Variants in FILIP1 observed in about 807,000 individuals in gnomAD.
FILIP1 encodes the protein filamin-A-interacting protein 1.
In FILIP1, 61 loss-of-function variants were observed where a neutral mutation model predicts 102.1. That is an observed-to-expected ratio of 0.60 (90% CI 0.49 to 0.74). The LOEUF is 0.74. FILIP1 is among the 30% of genes least tolerant of loss of function. The probability of loss-of-function intolerance (pLI) is 0.00; values close to 1 mark genes in which losing one functional copy is unlikely to be tolerated. For missense variants in FILIP1, 1,314 were observed against 1,441.2 expected (o/e 0.91, Z 1.43); for synonymous variants, 491 against 526.9 (o/e 0.93, Z 0.93).
intron 2 of FILIP1, among the ~76,000 whole-genome samples, chr6:75,368,403 A>G (rs186306460): frequency 1.8e-4 from 28 of 152,312 alleles, no homozygotes; most frequent in African/African-American, 6.5e-4. Context: ...CACTCCTTCA[A>G]TAAATATTTG....
intron 1 of FILIP1, among the ~76,000 whole-genome samples, chr6:75,446,077 T>A (rs539805678): frequency 2.0e-5 from 3 of 152,178 alleles, no homozygotes; most frequent in Non-Finnish European, 4.4e-5. Context: ...AGATCTTGAC[T>A]TATAATCACC....
chr6:75,314,175 TCTTA>T lies in FILIP1; in HGVS notation c.1653_1656del (p.Ser551ArgfsTer4). Reference sequence around the variant, plus strand: ...ATTTCAGATTTTAGTTTTAAAAGTTTCTTACTTTCTTCAATTAGTTTTTCAGTTA... The same window carrying T: ...ATTTCAGATTTTAGTTTTAAAAGTTTCTTTCTTCAATTAGTTTTTCAGTTA... On this transcript the variant is annotated frameshift_variant, in exon 5 of 6. Coordinates refer to ENST00000237172, the MANE Select transcript of FILIP1 (RefSeq NM_015687.5). LOFTEE classifies it high-confidence loss of function. 6.5e-7 allele frequency: 1 copy of T among 1,548,172 alleles called. No individual in the cohort carries two copies. Among genetic ancestry groups the T allele is most frequent in the Non-Finnish European group, 8.6e-7 (1 of 1,159,186 alleles).
chr6:75,375,154 CG>C (rs1775711178), intron 2 of FILIP1, among the ~76,000 whole-genome samples: 1 of 152,246 alleles, frequency 6.6e-6, no homozygotes, highest in South Asian at 2.1e-4. Context: ...CCACCCCCAT[CG>C]GCCCTTGCCT....
At chr6:75,377,178 A>G (rs373191693) in intron 2 of FILIP1, among the ~76,000 whole-genome samples, 1 of 152,194 alleles carries the variant, frequency 6.6e-6, no homozygotes, top group Non-Finnish European at 1.5e-5. Flanking sequence ...TAAAAATTGC[A>G]TCTTTAACAA....
chr6:75,489,703 C>A (rs1779903493), intron 1 of FILIP1, among the ~76,000 whole-genome samples: 4 of 152,042 alleles, frequency 2.6e-5, no homozygotes, highest in Non-Finnish European at 1.5e-5. Flanking sequence ...CTTAGTCATG[C>A]TACTAACCTT....
intron 1 of FILIP1, among the ~76,000 whole-genome samples, chr6:75,480,289 A>G (rs1348572732): frequency 6.6e-6 from 1 of 152,170 alleles, no homozygotes; most frequent in Non-Finnish European, 1.5e-5. Flanking sequence ...AAAAATGTAC[A>G]CCATTTTTAT....
intron 1 of FILIP1, among the ~76,000 whole-genome samples, chr6:75,457,233 G>C (rs1300754282): frequency 1.3e-5 from 2 of 152,150 alleles, no homozygotes; most frequent in Non-Finnish European, 2.9e-5. Context: ...GATGAGTCTG[G>C]CTCAAATTGA....
At chr6:75,333,857 C>A (rs1774155270) in intron 4 of FILIP1, among the ~76,000 whole-genome samples, 1 of 152,156 alleles carries the variant, frequency 6.6e-6, no homozygotes, top group Non-Finnish European at 1.5e-5. Flanking sequence ...CAAGTTTTTA[C>A]ACAATTGTTT....
intron 1 of FILIP1, among the ~76,000 whole-genome samples, chr6:75,484,268 G>A (rs922880220): frequency 6.6e-6 from 1 of 152,000 alleles, no homozygotes; most frequent in Non-Finnish European, 1.5e-5. Flanking sequence ...CACTACCAAG[G>A]GTTGAATAAT....
At chr6:75,476,240 CA>C (rs66500271) in intron 1 of FILIP1, among the ~76,000 whole-genome samples, 77,825 of 122,434 alleles carry the variant, frequency 0.64, 23,748 homozygotes, top group African/African-American at 0.78. Context: ...GACTCCATCT[CA>C]AAAAAAAAAA....
intron 3 of FILIP1, among the ~76,000 whole-genome samples, chr6:75,354,327 C>T (rs535299089): frequency 3.3e-5 from 5 of 152,228 alleles, no homozygotes; most frequent in East Asian, 1.9e-4. Flanking sequence ...AATCCCAGCA[C>T]GTGGGGAGGC....
intron 4 of FILIP1, among the ~76,000 whole-genome samples, chr6:75,345,967 A>G (rs12216329): frequency 0.11 from 16,656 of 152,160 alleles, 1,311 homozygotes; most frequent in Non-Finnish European, 0.15. Context: ...GCCAAAATAT[A>G]TGGAATCTAA....
intron 1 of FILIP1, among the ~76,000 whole-genome samples, chr6:75,421,484 C>T (rs1329130956): frequency 3.3e-5 from 5 of 152,196 alleles, no homozygotes; most frequent in East Asian, 1.9e-4. Flanking sequence ...GGGTGGTTAC[C>T]GCAAGATTCA....
chr6:75,369,585 G>GA (rs35469743), intron 2 of FILIP1, among the ~76,000 whole-genome samples: 2 of 151,378 alleles, frequency 1.3e-5, no homozygotes, highest in African/African-American at 4.9e-5. Flanking sequence ...ATCTTTGAAA[G>GA]AAAAAAAAAC....
chr6:75,407,520 C>T (rs558729461), intron 2 of FILIP1, among the ~76,000 whole-genome samples: 1 of 152,308 alleles, frequency 6.6e-6, no homozygotes, highest in South Asian at 2.1e-4. Flanking sequence ...GCCACCGCGC[C>T]CGACCTTATA....
chr6:75,467,194 A>C (rs1387573267), intron 1 of FILIP1, among the ~76,000 whole-genome samples: 1 of 152,236 alleles, frequency 6.6e-6, no homozygotes, highest in African/African-American at 2.4e-5. Context: ...TTGCACAATA[A>C]AATTTCTTTT....
At chr6:75,407,068 G>A (rs969248713) in intron 2 of FILIP1, among the ~76,000 whole-genome samples, 4 of 152,122 alleles carry the variant, frequency 2.6e-5, no homozygotes, top group African/African-American at 9.7e-5. Flanking sequence ...GCACATATAG[G>A]AGGCTCACCT....
At chr6:75,409,391 A>G (rs1157377372) in intron 2 of FILIP1, among the ~76,000 whole-genome samples, 4 of 152,198 alleles carry the variant, frequency 2.6e-5, no homozygotes, top group Non-Finnish European at 1.5e-5. Context: ...TGCAAAGATT[A>G]TGACAGTGAG....
chr6:75,326,356 T>C (rs1301512142), intron 4 of FILIP1, among the ~76,000 whole-genome samples: 2 of 151,642 alleles, frequency 1.3e-5, no homozygotes, highest in South Asian at 2.1e-4. Context: ...GGAAGTGGGG[T>C]AGAGGGGTAA....
Sources: gnomAD v4.1 joint callset for allele counts (sites outside exome capture counted in the v4.1 genomes callset) on GRCh38, gnomAD v4.1.1 for gene constraint, MANE v1.5 for transcripts, NCBI Gene and HGNC (gene_info 2026-07-23, HGNC 2026-07-21) for gene names.